The following CDK14 variants were observed in gnomAD, a reference collection of about 807,000 sequenced individuals.
CDK14 encodes the protein cyclin-dependent kinase 14.
A neutral mutation model predicts 60.7 loss-of-function variants in CDK14; 34 were observed. The observed-to-expected ratio is 0.56, with a 90% confidence interval of 0.43 to 0.75. The LOEUF is 0.75. CDK14 is among the 30% of genes least tolerant of loss of function. The probability of loss-of-function intolerance (pLI) is 0.00; values close to 1 mark genes in which losing one functional copy is unlikely to be tolerated. For missense variants in CDK14, 482 were observed against 564.1 expected (o/e 0.85, Z 1.47); for synonymous variants, 197 against 203.7 (o/e 0.97, Z 0.28).
intron 14 of CDK14, among the ~76,000 whole-genome samples, chr7:91,158,561 T>C (rs1801062966): frequency 6.6e-6 from 1 of 152,302 alleles, no homozygotes; most frequent in South Asian, 2.1e-4. Context: ...AATGGAGATG[T>C]AGAATTTGTC....
At chr7:90,783,642 A>G (rs1403385124) in intron 4 of CDK14, among the ~76,000 whole-genome samples, 1 of 152,220 alleles carries the variant, frequency 6.6e-6, no homozygotes, top group Non-Finnish European at 1.5e-5. Flanking sequence ...TTCTCAAAAG[A>G]AGAGATATGC....
At chr7:90,919,076 T>C (rs1462476109) in intron 8 of CDK14, among the ~76,000 whole-genome samples, 1 of 151,998 alleles carries the variant, frequency 6.6e-6, no homozygotes, top group Non-Finnish European at 1.5e-5. Context: ...GAGTAGTGGG[T>C]GGAGGAGAGA....
intron 2 of CDK14, among the ~76,000 whole-genome samples, chr7:90,697,068 A>G (rs1376646160): frequency 3.3e-5 from 5 of 152,098 alleles, no homozygotes; most frequent in Non-Finnish European, 5.9e-5. Context: ...TGGGTTTAAG[A>G]ATGAATGGAC....
At chr7:90,640,175 C>T (rs1800286691) in intron 2 of CDK14, among the ~76,000 whole-genome samples, 1 of 152,072 alleles carries the variant, frequency 6.6e-6, no homozygotes, top group African/African-American at 2.4e-5. Context: ...AACCCGGTAC[C>T]TCAGATGGAA....
chr7:90,751,856 C>T (rs555058406), intron 4 of CDK14, among the ~76,000 whole-genome samples: 5 of 152,056 alleles, frequency 3.3e-5, no homozygotes, highest in Admixed American at 2.6e-4. Flanking sequence ...AAATGGAAAA[C>T]AAACAAGAGC....
chr7:90,885,998 C>T (rs770939628), intron 6 of CDK14, among the ~76,000 whole-genome samples: 1 of 152,134 alleles, frequency 6.6e-6, no homozygotes, highest in Middle Eastern at 3.4e-3. Context: ...AACAAACCTG[C>T]ACATTCTGCA....
intron 14 of CDK14, among the ~76,000 whole-genome samples, chr7:91,179,749 G>A (rs1274191998): frequency 1.3e-5 from 2 of 151,994 alleles, no homozygotes; most frequent in African/African-American, 2.4e-5. Flanking sequence ...GTTGCAGTGA[G>A]TGGAGATTGC....
At chr7:91,166,281 T>G (rs949062757) in intron 14 of CDK14, among the ~76,000 whole-genome samples, 8 of 152,220 alleles carry the variant, frequency 5.3e-5, no homozygotes, top group Non-Finnish European at 1.0e-4. Context: ...CTTTACAGGC[T>G]CAGTGTGTCT....
chr7:90,845,662 G>A (rs1422859214), intron 5 of CDK14, among the ~76,000 whole-genome samples: 1 of 151,988 alleles, frequency 6.6e-6, no homozygotes, highest in Non-Finnish European at 1.5e-5. Context: ...CATAAGACTT[G>A]TAGTACATTG....
chr7:91,169,415 G>T (rs1472912587), intron 14 of CDK14, among the ~76,000 whole-genome samples: 1 of 152,092 alleles, frequency 6.6e-6, no homozygotes, highest in African/African-American at 2.4e-5. Flanking sequence ...ACAGAGTAAA[G>T]GTCCTTGAAT....
intron 2 of CDK14, among the ~76,000 whole-genome samples, chr7:90,650,708 A>G (rs1483234218): frequency 1.3e-5 from 2 of 152,202 alleles, no homozygotes; most frequent in Non-Finnish European, 2.9e-5. Context: ...CATTTATTAA[A>G]TAGGGAATCC....
intron 4 of CDK14, among the ~76,000 whole-genome samples, chr7:90,770,884 G>C (rs868785051): frequency 9.9e-5 from 15 of 152,230 alleles, no homozygotes; most frequent in Non-Finnish European, 1.9e-4. Flanking sequence ...GCTCCTCCAG[G>C]CCCTCTTCTT....
intron 3 of CDK14, among the ~76,000 whole-genome samples, chr7:90,739,972 A>T (rs1803276215): frequency 1.3e-5 from 2 of 152,146 alleles, no homozygotes; most frequent in African/African-American, 4.8e-5. Context: ...GGCGACTTTG[A>T]ATGTAATTTT....
chr7:90,875,083 C>T (rs1194336727), intron 6 of CDK14, among the ~76,000 whole-genome samples: 1 of 152,186 alleles, frequency 6.6e-6, no homozygotes, highest in African/African-American at 2.4e-5. Context: ...ATTTGCCTGA[C>T]ATCTCATATA....
intron 5 of CDK14, among the ~76,000 whole-genome samples, chr7:90,844,266 A>G (rs1790390599): frequency 6.6e-6 from 1 of 152,214 alleles, no homozygotes; most frequent in Non-Finnish European, 1.5e-5. Context: ...TCTGCTTTTG[A>G]TAAACCCTGA....
intron 9 of CDK14, among the ~76,000 whole-genome samples, chr7:90,961,027 A>T (rs1458686100): frequency 6.6e-6 from 1 of 152,142 alleles, no homozygotes; most frequent in Non-Finnish European, 1.5e-5. Flanking sequence ...ATACTAAATA[A>T]TATGGGTAAG....
At chr7:91,176,025 C>T (rs1220810203) in intron 14 of CDK14, among the ~76,000 whole-genome samples, 2 of 152,118 alleles carry the variant, frequency 1.3e-5, no homozygotes, top group Non-Finnish European at 2.9e-5. Flanking sequence ...AGCACCACAC[C>T]ACACCTATTC....
In CDK14 at chr7:91,210,335, C is replaced by CT. The variant is rs1478158600; in HGVS notation, c.*3203dup. 1.1e-4 allele frequency: 4 copies of CT among 36,808 alleles called. No homozygotes were observed. The highest frequency in any genetic ancestry group is 3.2e-4 in the Admixed American group (1 of 3,130). 2.3% of individuals were successfully genotyped at this position (36,808 alleles called of 1,614,324 possible). On this transcript the variant is annotated 3_prime_UTR_variant, in exon 15 of 15. Transcript: ENST00000380050. ...TGGATTTTTAAAGTTTTCCTTTTAT[C>CT]TTTTATTTTTTTTTGTATGATGCAC...
intron 12 of CDK14, among the ~76,000 whole-genome samples, chr7:91,106,677 A>G (rs1333473895): frequency 6.6e-6 from 1 of 152,236 alleles, no homozygotes; most frequent in Non-Finnish European, 1.5e-5. Flanking sequence ...ATTGAACTCT[A>G]AATTTTAAGT....
Sources: allele counts gnomAD v4.1 joint callset (sites outside exome capture counted in the v4.1 genomes callset), GRCh38; gene constraint gnomAD v4.1.1; transcripts MANE v1.5; gene names NCBI Gene and HGNC (gene_info 2026-07-23, HGNC 2026-07-21).